DMXL2: variants seen among roughly 807,000 people sequenced by gnomAD.
DMXL2 encodes the protein dmX-like protein 2.
A neutral mutation model predicts 331.1 loss-of-function variants in DMXL2; 103 were observed. The observed-to-expected ratio is 0.31, with a 90% confidence interval of 0.27 to 0.37. The LOEUF (loss-of-function observed/expected upper bound fraction) is 0.37, where lower values mean the gene tolerates loss of function less well. Ranked by LOEUF, DMXL2 falls within the 10% of genes least tolerant of loss-of-function variation. The pLI, the probability that DMXL2 is intolerant of heterozygous loss-of-function variation, is 1.00. For missense variants in DMXL2, 3,171 were observed against 3,642.9 expected (o/e 0.87, Z 3.33); for synonymous variants, 1,281 against 1,252.1 (o/e 1.02, Z -0.49).
intron 1 of DMXL2, among the ~76,000 whole-genome samples, chr15:51,601,769 T>C (rs1644358458): frequency 6.6e-6 from 1 of 152,164 alleles, no homozygotes; most frequent in African/African-American, 2.4e-5. Flanking sequence ...TCTATCAAAT[T>C]CCACAAAATT....
At chr15:51,602,721 T>C (rs1250281966) in intron 1 of DMXL2, among the ~76,000 whole-genome samples, 2 of 152,212 alleles carry the variant, frequency 1.3e-5, no homozygotes, top group African/African-American at 4.8e-5. Flanking sequence ...CAGCTAGCAC[T>C]GCAAAGGCTT....
intron 6 of DMXL2, among the ~76,000 whole-genome samples, chr15:51,558,327 T>C (rs186875669): frequency 6.6e-6 from 1 of 152,306 alleles, no homozygotes; most frequent in Admixed American, 6.5e-5. Flanking sequence ...TACACTTGAA[T>C]CCTTATCTCA....
intron 1 of DMXL2, among the ~76,000 whole-genome samples, chr15:51,600,792 A>G (rs993809502): frequency 1.3e-5 from 2 of 152,170 alleles, no homozygotes; most frequent in African/African-American, 4.8e-5. Flanking sequence ...ACACCTGGCC[A>G]TAGGTCTGAC....
intron 5 of DMXL2, 22 bp downstream of exon 5, chr15:51,564,103 A>C: frequency 6.4e-7 from 1 of 1,574,530 alleles, no homozygotes; most frequent in Non-Finnish European, 8.6e-7. Context: ...TAATGAATAT[A>C]ACAATAGAAA....
intron 9 of DMXL2, among the ~76,000 whole-genome samples, chr15:51,541,314 A>G (rs2048582136): frequency 6.6e-6 from 1 of 152,144 alleles, no homozygotes; most frequent in African/African-American, 2.4e-5. Context: ...GGTAATAGTA[A>G]TTTTAATAAT....
chr15:51,605,041 C>CA (rs142259531), intron 1 of DMXL2, among the ~76,000 whole-genome samples: 66,756 of 149,764 alleles, frequency 0.45, 15,247 homozygotes, highest in Non-Finnish European at 0.5. Flanking sequence ...GTTCATATAT[C>CA]AAAAAAAAAA....
At chr15:51,457,212 T>TG in intron 37 of DMXL2, 116 bp downstream of exon 37, 1 of 1,052,098 alleles carries the variant, frequency 9.5e-7, no homozygotes. Context: ...GTCATTATCA[T>TG]GGCCTATCTA....
chr15:51,525,620 G>A (rs762791170), intron 13 of DMXL2, among the ~76,000 whole-genome samples: 1 of 152,086 alleles, frequency 6.6e-6, no homozygotes, highest in Non-Finnish European at 1.5e-5. Context: ...TAACCAAAGA[G>A]CTCCTGATCC....
chr15:51,593,566 T>C (rs200356800), intron 1 of DMXL2, among the ~76,000 whole-genome samples: 1 of 152,206 alleles, frequency 6.6e-6, no homozygotes, highest in African/African-American at 2.4e-5. Context: ...CAAGCAGACC[T>C]AATAGACATC....
intron 1 of DMXL2, among the ~76,000 whole-genome samples, chr15:51,577,312 G>T (rs1237020797): frequency 6.6e-6 from 1 of 152,058 alleles, no homozygotes; most frequent in East Asian, 1.9e-4. Flanking sequence ...TCCATATAAG[G>T]CTGCTAATGA....
In DMXL2 at chr15:51,448,704, G is replaced by C; in HGVS notation, c.*280C>G. The C allele has an allele frequency of 2.5e-6, 1 of 399,932 alleles. No homozygotes were observed. Among genetic ancestry groups the C allele is most frequent in the Non-Finnish European group, 4.5e-6 (1 of 220,002 alleles). 24.8% of individuals were successfully genotyped at this position (399,932 alleles called of 1,614,324 possible). ...TTTCATTATTTCAAGTTACTAATTT[G>C]CTAATCTCAAATGTTTTCTGAATCA... On this transcript the variant is annotated 3_prime_UTR_variant, in exon 44 of 44. Transcript: ENST00000560891.
intron 6 of DMXL2, among the ~76,000 whole-genome samples, chr15:51,560,504 CAAAAAAAAAAAAAAA>C (rs66990182): frequency 7.2e-5 from 3 of 41,548 alleles, no homozygotes; most frequent in East Asian, 1.2e-3. Flanking sequence ...TTATTTCTAC[CAAAAAAAAAAAAAAA>C]AAAAAAAAAA....
intron 38 of DMXL2, 35 bp downstream of exon 38, chr15:51,456,274 A>G: frequency 6.3e-7 from 1 of 1,595,728 alleles, no homozygotes; most frequent in Non-Finnish European, 8.5e-7. Context: ...CCTCCAAATG[A>G]GGACACTTAC....
At chr15:51,595,658 G>A (rs1369229387) in intron 1 of DMXL2, among the ~76,000 whole-genome samples, 1 of 152,180 alleles carries the variant, frequency 6.6e-6, no homozygotes, top group South Asian at 2.1e-4. Flanking sequence ...CACGCCACCT[G>A]ACTTCAAACT....
intron 6 of DMXL2, among the ~76,000 whole-genome samples, chr15:51,559,037 A>G (rs1330399144): frequency 6.6e-6 from 1 of 152,224 alleles, no homozygotes; most frequent in African/African-American, 2.4e-5. Flanking sequence ...CACAGCACAA[A>G]AAAACTTAAA....
At position 51,605,567 on chromosome 15, in the gene DMXL2, C is replaced by T. The variant is rs371694911; in HGVS notation, c.87+16892G>A. Reference sequence around the variant, plus strand: ...TTTTTTTTTTTTTGAGACGGAGTCTCGCTCTGTCGCCCAGGCCGGACTGCG... The same window carrying T: ...TTTTTTTTTTTTTGAGACGGAGTCTTGCTCTGTCGCCCAGGCCGGACTGCG... On this transcript the variant is annotated intron_variant, in intron 1 of 43. Coordinates refer to ENST00000560891, the MANE Select transcript of DMXL2 (RefSeq NM_001378457.1). 2.2e-4 allele frequency among the ~76,000 whole-genome samples: 6 copies of T among 27,492 alleles called. 1 individual carries two copies. Among genetic ancestry groups the T allele is most frequent in the Admixed American group, 1.9e-3 (3 of 1,558 alleles). The allele number at this position is 27,492 out of a possible 152,430, so 18.0% of individuals were successfully genotyped here.
Position 51,456,354 on chromosome 15 carries a change from G to T in DMXL2, c.8353C>A (p.Leu2785Ile). 1 of 1,586,724 alleles carries T rather than the reference G, an allele frequency of 6.3e-7. No homozygotes were observed. The highest frequency in any genetic ancestry group is 1.2e-5 in the South Asian group (1 of 86,112). Reference sequence around the variant, plus strand: ...GAAGTCATTCTCTTAACATTATGTAGATTCCTTTTCATAAGCTTTAAAAGA... The same window carrying T: ...GAAGTCATTCTCTTAACATTATGTATATTCCTTTTCATAAGCTTTAAAAGA... The part of the protein sequence containing the change: ...TGASVLMKRN[L>I]HNVKRMTSHP... Residue 2785 changes from leucine to isoleucine, a missense_variant, in exon 38 of 44, where the codon CTA becomes ATA. This residue lies in a region of DMXL2 where 766 missense variants were observed against 940.5 expected (regional missense o/e 0.81). Coordinates refer to ENST00000560891, the MANE Select transcript of DMXL2 (RefSeq NM_001378457.1).
chr15:51,501,391 A>G (rs2043592962), intron 17 of DMXL2, among the ~76,000 whole-genome samples: 1 of 152,184 alleles, frequency 6.6e-6, no homozygotes, highest in South Asian at 2.1e-4. Flanking sequence ...TACCTTGCTA[A>G]AGTCAGTATC....
intron 16 of DMXL2, among the ~76,000 whole-genome samples, chr15:51,505,952 A>G (rs1326634720): frequency 6.6e-6 from 1 of 152,240 alleles, no homozygotes; most frequent in Non-Finnish European, 1.5e-5. Context: ...TTGTTTTTAA[A>G]AAATCTGTGA....
Sources: allele counts gnomAD v4.1 joint callset (sites outside exome capture counted in the v4.1 genomes callset), GRCh38; gene constraint gnomAD v4.1.1; regional missense constraint gnomAD v4.1.1; transcripts MANE v1.5; gene names NCBI Gene and HGNC (gene_info 2026-07-23, HGNC 2026-07-21).